EDARADD: variants seen among roughly 807,000 people sequenced by gnomAD.
The protein encoded by EDARADD is ectodysplasin-A receptor-associated adapter protein.
EDARADD carries 20 observed loss-of-function variants against 25.6 expected under a neutral mutation model. The observed-to-expected ratio is 0.78, with a 90% CI of 0.55 to 1.14. The LOEUF (loss-of-function observed/expected upper bound fraction) is 1.14. Ranked by LOEUF, EDARADD falls within the 50% of genes most tolerant of loss-of-function variation. EDARADD has a pLI of 0.00. For missense variants in EDARADD, 225 were observed against 270.1 expected (o/e 0.83, Z 1.17); for synonymous variants, 86 against 94.4 (o/e 0.91, Z 0.52).
In EDARADD at chr1:236,431,693, G is replaced by A. The variant is rs1270321140; in HGVS notation, c.219+4243G>A. 1.8e-5 allele frequency among the ~76,000 whole-genome samples: 2 copies of A among 110,338 alleles called. 1 individual carries two copies. Among genetic ancestry groups the A allele is most frequent in the East Asian group, 4.4e-4 (2 of 4,586 alleles). 72.4% of individuals were successfully genotyped at this position (110,338 alleles called of 152,430 possible). A position where few individuals can be genotyped will look rare whatever the true frequency, so the allele number is the denominator to read the frequency against. Reference sequence around the variant, plus strand: ...TCCCAGCACTTTGGGAGGCCGAGGCGGGTGGATCATGAGGTCAGGAGATCG... The same window carrying A: ...TCCCAGCACTTTGGGAGGCCGAGGCAGGTGGATCATGAGGTCAGGAGATCG... On this transcript the variant is annotated intron_variant, in intron 4 of 5. Coordinates refer to ENST00000334232, the MANE Select transcript of EDARADD (RefSeq NM_145861.4).
chr1:236,411,977 G>A (rs1369374272), intron 2 of EDARADD, among the ~76,000 whole-genome samples: 23 of 152,196 alleles, frequency 1.5e-4, no homozygotes, highest in Admixed American at 6.5e-5. Context: ...CTGGGGGTTA[G>A]GACTTCAACA....
intron 3 of EDARADD, among the ~76,000 whole-genome samples, chr1:236,420,172 T>A (rs1208892622): frequency 6.6e-6 from 1 of 152,092 alleles, no homozygotes; most frequent in Non-Finnish European, 1.5e-5. Context: ...GACAACAAAG[T>A]GAGACTTTGT....
intron 5 of EDARADD, among the ~76,000 whole-genome samples, chr1:236,477,860 T>C (rs1207276566): frequency 6.6e-6 from 1 of 152,024 alleles, no homozygotes; most frequent in Non-Finnish European, 1.5e-5. Context: ...CTCAGCACAT[T>C]GGGAGGCTGA....
At chr1:236,426,938 A>G (rs1657935773) in intron 3 of EDARADD, among the ~76,000 whole-genome samples, 1 of 151,980 alleles carries the variant, frequency 6.6e-6, no homozygotes, top group African/African-American at 2.4e-5. Flanking sequence ...CTGGAGTGCA[A>G]TGGCGTGGTC....
At chr1:236,428,209 C>T (rs1297208206) in intron 4 of EDARADD, among the ~76,000 whole-genome samples, 1 of 152,086 alleles carries the variant, frequency 6.6e-6, no homozygotes, top group Non-Finnish European at 1.5e-5. Flanking sequence ...ATCTGTTTAA[C>T]AAAGCACATC....
Position 236,394,508 on chromosome 1 carries a change from A to T in EDARADD, c.61+3A>T. On this transcript the variant is annotated splice_donor_region_variant and intron_variant, in intron 1 of 5. Coordinates refer to ENST00000334232, the MANE Select transcript of EDARADD (RefSeq NM_145861.4). ...TAAAGCTCCTGGTCACCAAGAGGGT[A>T]TGTAGGCATTTGCTGTCTTCCTGGA... The T allele has an allele frequency of 6.2e-7, 1 of 1,612,616 alleles. No individual in the cohort carries two copies. Among genetic ancestry groups the T allele is most frequent in the East Asian group, 2.2e-5 (1 of 44,860 alleles).
chr1:236,349,699 CA>C (rs34063301), intron 2 of EDARADD, among the ~76,000 whole-genome samples: 24,945 of 151,856 alleles, frequency 0.16, 2,287 homozygotes, highest in East Asian at 0.38. Flanking sequence ...TCTCCGATAG[CA>C]GACTTCAGAG....
chr1:236,382,691 C>T (rs1387332323), intron 3 of EDARADD, among the ~76,000 whole-genome samples: 1 of 152,298 alleles, frequency 6.6e-6, no homozygotes, highest in South Asian at 2.1e-4. Flanking sequence ...AGGGTGTGCT[C>T]AGTCTAGGAC....
chr1:236,413,411 C>T (rs572875361), intron 2 of EDARADD, among the ~76,000 whole-genome samples: 2 of 152,184 alleles, frequency 1.3e-5, no homozygotes, highest in African/African-American at 4.8e-5. Context: ...TTCTCCATTT[C>T]TTTCTCTCTC....
intron 4 of EDARADD, among the ~76,000 whole-genome samples, chr1:236,451,133 C>A (rs898438149): frequency 3.9e-5 from 6 of 152,250 alleles, no homozygotes; most frequent in Admixed American, 2.0e-4. Context: ...CTCTGCTACT[C>A]AATACTGTAT....
intron 3 of EDARADD, among the ~76,000 whole-genome samples, chr1:236,353,010 T>TAA (rs71559946): frequency 4.4e-4 from 66 of 148,804 alleles, no homozygotes; most frequent in East Asian, 1.4e-3. Flanking sequence ...ACTCCGTCTC[T>TAA]AAAAAAAAAA....
intron 5 of EDARADD, among the ~76,000 whole-genome samples, chr1:236,477,468 G>T (rs1659541666): frequency 6.6e-6 from 1 of 152,152 alleles, no homozygotes. Flanking sequence ...GTGTTGCGCG[G>T]AAATAAGAAA....
intron 3 of EDARADD, among the ~76,000 whole-genome samples, chr1:236,370,398 G>A (rs1229716213): frequency 6.6e-6 from 1 of 152,134 alleles, no homozygotes; most frequent in Non-Finnish European, 1.5e-5. Flanking sequence ...TCCAGCCTGG[G>A]TGACAAAGCA....
At chr1:236,390,460 G>A (rs1265066884), upstream of EDARADD, among the ~76,000 whole-genome samples, 1 of 152,166 alleles carries the variant, frequency 6.6e-6, no homozygotes, top group African/African-American at 2.4e-5. Flanking sequence ...GGCTGAGGCA[G>A]GAGAATGGCG....
At chr1:236,450,467 A>T (rs537106646) in intron 4 of EDARADD, among the ~76,000 whole-genome samples, 4 of 152,002 alleles carry the variant, frequency 2.6e-5, no homozygotes, top group Non-Finnish European at 5.9e-5. Context: ...AGTTAATTTG[A>T]TGTGATCAAA....
At chr1:236,402,885 T>C (rs1667639220) in intron 1 of EDARADD, among the ~76,000 whole-genome samples, 1 of 152,224 alleles carries the variant, frequency 6.6e-6, no homozygotes. Flanking sequence ...AAGGCTTAGC[T>C]GAGACTGTGT....
intron 4 of EDARADD, among the ~76,000 whole-genome samples, chr1:236,439,338 A>G (rs533972918): frequency 3.9e-5 from 6 of 152,366 alleles, no homozygotes; most frequent in Admixed American, 1.3e-4. Flanking sequence ...TTGTGTGGCC[A>G]TAAGTTCAGC....
Position 236,394,515 on chromosome 1 carries a change from C to T in EDARADD, c.61+10C>T, listed in dbSNP as rs764904157. The T allele has an allele frequency of 3.7e-6, 6 of 1,610,662 alleles. No homozygotes were observed. Among genetic ancestry groups the T allele is most frequent in the Non-Finnish European group, 5.1e-6 (6 of 1,178,884 alleles). ...CCTGGTCACCAAGAGGGTATGTAGG[C>T]ATTTGCTGTCTTCCTGGATTTCTCA... On this transcript the variant is annotated intron_variant, in intron 1 of 5. Transcript: ENST00000334232.
chr1:236,427,204 G>A (rs570857903), intron 3 of EDARADD, among the ~76,000 whole-genome samples, 188 bp from the exon 4 acceptor site: 1 of 152,282 alleles, frequency 6.6e-6, no homozygotes, highest in South Asian at 2.1e-4. Flanking sequence ...AAGCAGCATT[G>A]TTTAGCTGGG....
Sources: allele counts gnomAD v4.1 joint callset (sites outside exome capture counted in the v4.1 genomes callset), GRCh38; gene constraint gnomAD v4.1.1; transcripts MANE v1.5; gene names NCBI Gene and HGNC (gene_info 2026-07-23, HGNC 2026-07-21).